Variants in DLG2 observed in about 807,000 individuals in gnomAD.
DLG2 encodes the protein disks large homolog 2.
DLG2 carries 45 observed loss-of-function variants against 132.5 expected under a neutral mutation model. That is an observed-to-expected ratio of 0.34 (90% CI 0.27 to 0.44). The LOEUF (loss-of-function observed/expected upper bound fraction) is 0.44. Among genes scored for constraint, DLG2 ranks in the 20% least tolerant of loss-of-function variants. The pLI, the probability that DLG2 is intolerant of heterozygous loss-of-function variation, is 1.00. For missense variants in DLG2, 1,045 were observed against 1,196.9 expected (o/e 0.87, Z 1.87); for synonymous variants, 424 against 419.6 (o/e 1.01, Z -0.13).
intron 9 of DLG2, among the ~76,000 whole-genome samples, chr11:84,154,354 T>C (rs1429972518): frequency 6.6e-6 from 1 of 152,192 alleles, no homozygotes; most frequent in Non-Finnish European, 1.5e-5. Flanking sequence ...TGAAATCATA[T>C]AAAGATACAT....
chr11:83,722,489 G>C (rs2088875343), intron 18 of DLG2, among the ~76,000 whole-genome samples: 1 of 152,142 alleles, frequency 6.6e-6, no homozygotes, highest in Admixed American at 6.5e-5. Context: ...ACTGATGGGG[G>C]TGAGCTCCAA....
At chr11:83,515,676 C>A (rs1480300542) in intron 21 of DLG2, among the ~76,000 whole-genome samples, 2 of 152,096 alleles carry the variant, frequency 1.3e-5, no homozygotes, top group African/African-American at 4.8e-5. Flanking sequence ...TATAAATTTC[C>A]CTCTACACAC....
chr11:85,598,581 T>G (rs377271066), intron 3 of DLG2, 76 bp downstream of exon 3: 3 of 1,065,134 alleles, frequency 2.8e-6, no homozygotes. Context: ...TAACATCAGG[T>G]TCTTTGACCA....
At chr11:85,147,916 C>T (rs4366511) in intron 5 of DLG2, among the ~76,000 whole-genome samples, 1 of 152,068 alleles carries the variant, frequency 6.6e-6, no homozygotes, top group Non-Finnish European at 1.5e-5. Context: ...CCCCCACCCC[C>T]TGACTGGCCC....
At chr11:85,071,603 G>T (rs2065874753) in intron 6 of DLG2, among the ~76,000 whole-genome samples, 2 of 151,800 alleles carry the variant, frequency 1.3e-5, no homozygotes, top group Admixed American at 1.3e-4. Context: ...CTGTGGACAT[G>T]CCAAATCATT....
At chr11:83,488,116 C>G (rs540428893) in intron 21 of DLG2, among the ~76,000 whole-genome samples, 26 of 152,028 alleles carry the variant, frequency 1.7e-4, no homozygotes, top group Non-Finnish European at 3.1e-4. Context: ...AAAGGACCCT[C>G]TCCCCAATCT....
chr11:85,147,282 A>G (rs1185360526), intron 5 of DLG2, among the ~76,000 whole-genome samples: 1 of 152,192 alleles, frequency 6.6e-6, no homozygotes, highest in African/African-American at 2.4e-5. Flanking sequence ...CGTTCTATTC[A>G]GCCATCTTCC....
chr11:85,561,779 G>C (rs928300012), intron 3 of DLG2, among the ~76,000 whole-genome samples: 1 of 151,906 alleles, frequency 6.6e-6, no homozygotes, highest in Non-Finnish European at 1.5e-5. Flanking sequence ...TCTTCTCACT[G>C]AAATTTCTCT....
chr11:84,190,664 G>A (rs1483690697), intron 8 of DLG2, among the ~76,000 whole-genome samples: 1 of 152,126 alleles, frequency 6.6e-6, no homozygotes, highest in Non-Finnish European at 1.5e-5. Context: ...AATAGCAACT[G>A]CCTGGGCTGC....
intron 3 of DLG2, among the ~76,000 whole-genome samples, chr11:85,434,303 G>T (rs1373933398): frequency 6.6e-6 from 1 of 151,390 alleles, no homozygotes; most frequent in Admixed American, 6.6e-5. Context: ...GCTAGCAGAA[G>T]AAGAGAAATA....
chr11:84,155,018 G>T (rs1419239141), intron 9 of DLG2, among the ~76,000 whole-genome samples: 2 of 152,112 alleles, frequency 1.3e-5, no homozygotes, highest in African/African-American at 4.8e-5. Flanking sequence ...CTACTCATCT[G>T]ACAAAGGGCT....
intron 19 of DLG2, among the ~76,000 whole-genome samples, chr11:83,616,771 T>A (rs934555184): frequency 6.6e-6 from 1 of 152,220 alleles, no homozygotes; most frequent in African/African-American, 2.4e-5. Flanking sequence ...AGACTTTTAT[T>A]GTTTTACATT....
chr11:83,865,562 G>C (rs1320697157), intron 16 of DLG2, among the ~76,000 whole-genome samples: 2 of 152,130 alleles, frequency 1.3e-5, no homozygotes, highest in Non-Finnish European at 1.5e-5. Flanking sequence ...GGAGGGGAAA[G>C]GGAGAAAATA....
intron 4 of DLG2, among the ~76,000 whole-genome samples, chr11:85,190,534 G>C (rs920324639): frequency 6.6e-6 from 1 of 151,966 alleles, no homozygotes; most frequent in Non-Finnish European, 1.5e-5. Context: ...GAATGAAATT[G>C]AGATGTAAAA....
At chr11:83,566,040 G>A (rs1761111952) in intron 19 of DLG2, among the ~76,000 whole-genome samples, 1 of 152,208 alleles carries the variant, frequency 6.6e-6, no homozygotes, top group Non-Finnish European at 1.5e-5. Context: ...TTTCAGGGCA[G>A]TGGGTTGCAC....
At chr11:83,551,957 T>C (rs1243879889) in intron 19 of DLG2, among the ~76,000 whole-genome samples, 1 of 152,210 alleles carries the variant, frequency 6.6e-6, no homozygotes, top group Non-Finnish European at 1.5e-5. Flanking sequence ...GGTAAGAAGG[T>C]ACATTCATTT....
At chr11:84,085,772 C>T (rs2096969132) in intron 10 of DLG2, among the ~76,000 whole-genome samples, 1 of 152,168 alleles carries the variant, frequency 6.6e-6, no homozygotes. Flanking sequence ...TTTAGAATCC[C>T]ATAAAGCCAA....
chr11:85,041,870 C>G (rs11823251), intron 6 of DLG2, among the ~76,000 whole-genome samples: 35,020 of 151,706 alleles, frequency 0.23, 4,368 homozygotes, highest in Middle Eastern at 0.3. Flanking sequence ...ATGAGCAGCT[C>G]TCTATGAGCA....
At chr11:83,657,906 C>T (rs1177043530) in intron 18 of DLG2, among the ~76,000 whole-genome samples, 1 of 152,072 alleles carries the variant, frequency 6.6e-6, no homozygotes, top group African/African-American at 2.4e-5. Flanking sequence ...CCAATAGTTG[C>T]CTATAAAAAA....
Sources: gnomAD v4.1 joint callset for allele counts (sites outside exome capture counted in the v4.1 genomes callset) on GRCh38, gnomAD v4.1.1 for gene constraint, MANE v1.5 for transcripts, NCBI Gene and HGNC (gene_info 2026-07-23, HGNC 2026-07-21) for gene names.